SPOCK1: variants seen among roughly 807,000 people sequenced by gnomAD.
SPOCK1 encodes the protein SPARC (osteonectin), cwcv and kazal like domains proteoglycan 1, also known as testican-1.
A neutral mutation model predicts 55.3 loss-of-function variants in SPOCK1; 23 were observed. The observed-to-expected ratio is 0.42, with a 90% CI of 0.30 to 0.59. The LOEUF (loss-of-function observed/expected upper bound fraction) is 0.59. SPOCK1 is among the 20% of genes least tolerant of loss of function. The pLI is 0.22. For synonymous variants in SPOCK1, 226 were observed against 221.0 expected (o/e 1.02, Z -0.20); for missense variants, 499 against 552.5 (o/e 0.90, Z 0.97).
chr5:137,327,791 C>G (rs1429405494), intron 2 of SPOCK1, among the ~76,000 whole-genome samples: 3 of 152,112 alleles, frequency 2.0e-5, no homozygotes, highest in Admixed American at 2.0e-4. Flanking sequence ...ATAGACGAGT[C>G]CTGCCACACA....
intron 3 of SPOCK1, among the ~76,000 whole-genome samples, chr5:137,159,618 A>C (rs1372020873): frequency 1.3e-5 from 2 of 152,006 alleles, no homozygotes; most frequent in East Asian, 3.9e-4. Context: ...AAGTTATTTC[A>C]CTTAGAATAA....
Position 136,984,420 on chromosome 5 carries a change from CT to C in SPOCK1, c.991+719del, listed in dbSNP as rs535430073. Among the ~76,000 whole-genome samples, 727 of 133,846 alleles carry C rather than the reference CT, an allele frequency of 5.4e-3. 3 individuals are homozygous for C. The highest frequency in any genetic ancestry group is 7.8e-3 in the Non-Finnish European group (467 of 59,564). 87.8% of individuals were successfully genotyped at this position (133,846 alleles called of 152,430 possible). ...TATTACTGTGTTGCAGCTGACACCT[CT>C]TTTTTTAAAAGCAAGGAAAGCAAAG... On this transcript the variant is annotated intron_variant, in intron 9 of 10. Coordinates refer to ENST00000394945, the MANE Select transcript of SPOCK1 (RefSeq NM_004598.4).
chr5:137,204,954 T>G (rs1176567094), intron 3 of SPOCK1, among the ~76,000 whole-genome samples: 2 of 152,222 alleles, frequency 1.3e-5, no homozygotes, highest in Non-Finnish European at 2.9e-5. Flanking sequence ...ACCCTTTGCT[T>G]GGCTGGCTCC....
chr5:136,983,711 T>G (rs1299921985), intron 9 of SPOCK1, among the ~76,000 whole-genome samples: 1 of 152,202 alleles, frequency 6.6e-6, no homozygotes, highest in East Asian at 1.9e-4. Context: ...CTGATAATAA[T>G]TTGTTGATTG....
At chr5:137,407,157 A>C (rs1269709815) in intron 2 of SPOCK1, among the ~76,000 whole-genome samples, 1 of 152,248 alleles carries the variant, frequency 6.6e-6, no homozygotes, top group African/African-American at 2.4e-5. Context: ...ACATAATTTC[A>C]TGGTCTGGAA....
chr5:137,351,323 G>C (rs113684330), intron 2 of SPOCK1, among the ~76,000 whole-genome samples: 1 of 152,206 alleles, frequency 6.6e-6, no homozygotes, highest in East Asian at 1.9e-4. Context: ...CAGGCTCCTC[G>C]TTGATGAAAT....
At chr5:137,176,376 G>A (rs1287964667) in intron 3 of SPOCK1, among the ~76,000 whole-genome samples, 2 of 152,114 alleles carry the variant, frequency 1.3e-5, no homozygotes, top group Non-Finnish European at 2.9e-5. Flanking sequence ...TCCCCTAGAA[G>A]CAGGGAAGAC....
intron 2 of SPOCK1, among the ~76,000 whole-genome samples, chr5:137,401,719 G>A (rs907449163): frequency 3.3e-5 from 5 of 152,036 alleles, no homozygotes; most frequent in Non-Finnish European, 7.4e-5. Flanking sequence ...ATTCCACCCT[G>A]GGTGACACAG....
Position 137,404,365 on chromosome 5 carries a change from A to G in SPOCK1, c.186+94008T>C, listed in dbSNP as rs148798455. Among the ~76,000 whole-genome samples the G allele has an allele frequency of 8.5e-3, 1,292 of 151,596 alleles. 7 individuals are homozygous for G. Among genetic ancestry groups the G allele is most frequent in the Admixed American group, 0.013 (204 of 15,234 alleles). On this transcript the variant is annotated intron_variant, in intron 2 of 10. Transcript: ENST00000394945. ...TGTATGGATTTTTAGATGTTTTTAG[A>G]TGTCATCTTCTATTTTTTAAATGTT...
intron 2 of SPOCK1, among the ~76,000 whole-genome samples, chr5:137,319,601 T>C (rs532617361): frequency 6.6e-6 from 1 of 152,266 alleles, no homozygotes; most frequent in Non-Finnish European, 1.5e-5. Context: ...AGCAAGACAG[T>C]AGAATAGGAA....
intron 6 of SPOCK1, among the ~76,000 whole-genome samples, chr5:137,026,982 A>G (rs1443240216): frequency 6.6e-6 from 1 of 152,244 alleles, no homozygotes; most frequent in Non-Finnish European, 1.5e-5. Context: ...TTCAGTAAAT[A>G]TCCTTTAAAT....
intron 5 of SPOCK1, among the ~76,000 whole-genome samples, chr5:137,071,991 C>A (rs4141298): frequency 0.1 from 15,445 of 152,202 alleles, 933 homozygotes; most frequent in East Asian, 0.23. Flanking sequence ...ATATTCTTTC[C>A]ATCCAGATTT....
At chr5:137,173,580 A>C (rs1390313312) in intron 3 of SPOCK1, among the ~76,000 whole-genome samples, 3 of 152,216 alleles carry the variant, frequency 2.0e-5, no homozygotes, top group Non-Finnish European at 4.4e-5. Context: ...CAAAAACTAA[A>C]CACCACCAAG....
intron 4 of SPOCK1, among the ~76,000 whole-genome samples, chr5:137,129,540 G>A (rs1753835839): frequency 6.6e-6 from 1 of 152,134 alleles, no homozygotes; most frequent in East Asian, 1.9e-4. Context: ...GGGTGCCACT[G>A]ATTGGTGGGG....
intron 2 of SPOCK1, among the ~76,000 whole-genome samples, chr5:137,338,941 T>G (rs951028243): frequency 3.3e-5 from 5 of 152,206 alleles, no homozygotes; most frequent in African/African-American, 1.2e-4. Flanking sequence ...GGACTGTCAA[T>G]GCCTGACATG....
chr5:137,194,813 C>A (rs1420352894), intron 3 of SPOCK1, among the ~76,000 whole-genome samples: 1 of 152,150 alleles, frequency 6.6e-6, no homozygotes, highest in East Asian at 1.9e-4. Context: ...CCCATCTGAG[C>A]CTCCCATAAG....
Position 136,977,697 on chromosome 5 carries a change from G to C in SPOCK1, c.*957C>G, listed in dbSNP as rs747262418. The C allele has an allele frequency of 1.7e-4, 66 of 398,198 alleles. No homozygotes were observed. Among genetic ancestry groups the C allele is most frequent in the Non-Finnish European group, 2.6e-4 (58 of 225,850 alleles). The allele number at this position is 398,198 out of a possible 1,614,324, so 24.7% of individuals were successfully genotyped here. A position where few individuals can be genotyped will look rare whatever the true frequency, so the allele number is the denominator to read the frequency against. On this transcript the variant is annotated 3_prime_UTR_variant, in exon 11 of 11. Transcript: ENST00000394945. ...TTGTGAAGCTGCCCGTGTCGTGTGG[G>C]AGTCGCATGGCTTCTGCGAGAAAAG...
At chr5:137,282,301 A>T (rs918010211) in intron 2 of SPOCK1, among the ~76,000 whole-genome samples, 1 of 152,248 alleles carries the variant, frequency 6.6e-6, no homozygotes, top group Non-Finnish European at 1.5e-5. Flanking sequence ...TGATAGCTGC[A>T]TTGGAAAAGC....
At chr5:137,222,281 C>G (rs1383179640) in intron 3 of SPOCK1, among the ~76,000 whole-genome samples, 2 of 152,140 alleles carry the variant, frequency 1.3e-5, no homozygotes, top group African/African-American at 4.8e-5. Flanking sequence ...GGGGGAACCT[C>G]TCTTTGGGTA....
Sources: allele counts gnomAD v4.1 joint callset (sites outside exome capture counted in the v4.1 genomes callset), GRCh38; gene constraint gnomAD v4.1.1; transcripts MANE v1.5; gene names NCBI Gene and HGNC (gene_info 2026-07-23, HGNC 2026-07-21).